Variants in SHC3 observed in about 807,000 individuals in gnomAD.
The protein encoded by SHC3 is SHC-transforming protein 3.
Under a neutral mutation model 60.4 loss-of-function variants are expected in SHC3, and 15 were observed. That is an observed-to-expected ratio of 0.25 (90% CI 0.17 to 0.38). The LOEUF is 0.38. Among genes scored for constraint, SHC3 ranks in the 10% least tolerant of loss-of-function variants. The pLI, the probability that SHC3 is intolerant of heterozygous loss-of-function variation, is 1.00. For missense variants in SHC3, 677 were observed against 786.1 expected (o/e 0.86, Z 1.66); for synonymous variants, 294 against 325.9 (o/e 0.90, Z 1.05).
chr9:89,162,618 T>G (rs929712994), intron 1 of SHC3, among the ~76,000 whole-genome samples: 9 of 151,806 alleles, frequency 5.9e-5, no homozygotes, highest in Non-Finnish European at 1.0e-4. Flanking sequence ...ACTTAAACGT[T>G]AGACCTAAAA....
intron 2 of SHC3, among the ~76,000 whole-genome samples, chr9:89,079,350 C>T (rs2118021640): frequency 6.6e-6 from 1 of 152,210 alleles, no homozygotes; most frequent in South Asian, 2.1e-4. Context: ...TTTAGAAAAC[C>T]AGTACAGTGA....
At chr9:89,109,365 G>T in intron 2 of SHC3, 1 of 959,158 alleles carries the variant, frequency 1.0e-6, no homozygotes, top group Non-Finnish European at 1.2e-6. Flanking sequence ...CAGCGAGGGT[G>T]CACACCCAGG....
intron 2 of SHC3, among the ~76,000 whole-genome samples, chr9:89,080,690 C>A (rs1416651831): frequency 6.7e-6 from 1 of 148,862 alleles, no homozygotes; most frequent in Non-Finnish European, 1.5e-5. Flanking sequence ...AAATTGAAAT[C>A]ATTTGTAATG....
At chr9:89,148,445 G>A (rs1564180211) in intron 1 of SHC3, among the ~76,000 whole-genome samples, 1 of 152,214 alleles carries the variant, frequency 6.6e-6, no homozygotes, top group Non-Finnish European at 1.5e-5. Context: ...TTTTGGGGGA[G>A]AAAAGAAGAC....
intron 2 of SHC3, chr9:89,110,238 T>C (rs1587732689): frequency 1.0e-6 from 1 of 985,356 alleles, no homozygotes; most frequent in Non-Finnish European, 1.2e-6. Flanking sequence ...ATGCTGGGAG[T>C]GAAGCCCAGC....
At chr9:89,059,043 TGTGGTGGAGGGCG>T (rs756619939) in intron 6 of SHC3, among the ~76,000 whole-genome samples, 8 of 127,808 alleles carry the variant, frequency 6.3e-5, no homozygotes, top group African/African-American at 9.2e-5. Flanking sequence ...TGGTGGAGGA[TGTGGTGGAGGGCG>T]GTGGTGGAGG....
chr9:89,155,282 T>C (rs891401522), intron 1 of SHC3, among the ~76,000 whole-genome samples: 2 of 152,186 alleles, frequency 1.3e-5, no homozygotes, highest in Non-Finnish European at 2.9e-5. Flanking sequence ...TTGGCTTGCA[T>C]TCTACCCGAT....
At chr9:89,113,088 T>TC (rs11394706) in intron 1 of SHC3, among the ~76,000 whole-genome samples, 11,688 of 152,192 alleles carry the variant, frequency 0.077, 1,452 homozygotes, top group African/African-American at 0.27. Flanking sequence ...AACATTTTCA[T>TC]CAACATTAAA....
intron 6 of SHC3, among the ~76,000 whole-genome samples, chr9:89,059,294 A>ATGG (rs1825021168): frequency 1.3e-5 from 1 of 78,740 alleles, no homozygotes; most frequent in Admixed American, 1.2e-4. Flanking sequence ...GGTGGAGGAC[A>ATGG]TGGTGGAGGA....
At chr9:89,142,156 G>T (rs1826402577) in intron 1 of SHC3, among the ~76,000 whole-genome samples, 1 of 152,128 alleles carries the variant, frequency 6.6e-6, no homozygotes, top group Non-Finnish European at 1.5e-5. Flanking sequence ...TAGCCCAGAA[G>T]GACTTTACTA....
At chr9:89,062,606 C>T (rs770538110) in intron 6 of SHC3, among the ~76,000 whole-genome samples, 1 of 152,186 alleles carries the variant, frequency 6.6e-6, no homozygotes, top group Non-Finnish European at 1.5e-5. Context: ...GACTTGAACC[C>T]GTAACTGTAA....
At chr9:89,023,925 C>T (rs1166746927) in intron 11 of SHC3, among the ~76,000 whole-genome samples, 2 of 152,242 alleles carry the variant, frequency 1.3e-5, no homozygotes, top group African/African-American at 4.8e-5. Context: ...GCCTCATCTC[C>T]ATCCCACACA....
intron 6 of SHC3, among the ~76,000 whole-genome samples, chr9:89,063,250 C>G (rs928469139): frequency 5.3e-5 from 8 of 152,180 alleles, no homozygotes; most frequent in Non-Finnish European, 1.2e-4. Flanking sequence ...CTGCCTCAGC[C>G]TCCCAAGTAG....
At chr9:89,044,281 T>G (rs1824737402) in intron 9 of SHC3, among the ~76,000 whole-genome samples, 1 of 152,214 alleles carries the variant, frequency 6.6e-6, no homozygotes, top group African/African-American at 2.4e-5. Context: ...TGACTCTGAT[T>G]TGCTATTTCC....
chr9:89,107,246 G>A (rs540914087), intron 2 of SHC3, among the ~76,000 whole-genome samples: 21 of 152,268 alleles, frequency 1.4e-4, no homozygotes, highest in African/African-American at 4.3e-4. Context: ...CTCCCAGGCC[G>A]CAAGGACCCT....
In SHC3 at chr9:89,077,184, C is replaced by CAA. The variant is rs113802144; in HGVS notation, c.609+654_609+655dup. 4.0e-3 allele frequency among the ~76,000 whole-genome samples: 525 copies of CAA among 132,212 alleles called. 3 individuals carry two copies. Among genetic ancestry groups the CAA allele is most frequent in the African/African-American group, 0.014 (504 of 37,096 alleles). 86.7% of individuals were successfully genotyped at this position (132,212 alleles called of 152,430 possible). A position where few individuals can be genotyped will look rare whatever the true frequency, so the allele number is the denominator to read the frequency against. ...AGAGCGAGACTCTGTCTCAAAAAAA[C>CAA]AAAAAAAAAAACAAAAAAAAACAGA... On this transcript the variant is annotated intron_variant, in intron 3 of 11. Transcript: ENST00000375835.
intron 1 of SHC3, among the ~76,000 whole-genome samples, chr9:89,156,378 C>T (rs1310518018): frequency 6.6e-6 from 1 of 152,144 alleles, no homozygotes; most frequent in East Asian, 1.9e-4. Context: ...AGGGAAGACC[C>T]TGAACTGAAA....
At chr9:89,061,838 A>G (rs1587704775) in intron 6 of SHC3, among the ~76,000 whole-genome samples, 2 of 152,212 alleles carry the variant, frequency 1.3e-5, no homozygotes, top group Admixed American at 1.3e-4. Context: ...TGCATATGCT[A>G]CATGCCTGGC....
intron 2 of SHC3, among the ~76,000 whole-genome samples, chr9:89,103,982 G>A (rs944931865): frequency 2.6e-5 from 4 of 152,186 alleles, no homozygotes; most frequent in Admixed American, 2.0e-4. Flanking sequence ...AGCAATCAGA[G>A]AGGTACATTT....
Sources: gnomAD v4.1 joint callset for allele counts (sites outside exome capture counted in the v4.1 genomes callset) on GRCh38, gnomAD v4.1.1 for gene constraint, MANE v1.5 for transcripts, NCBI Gene and HGNC (gene_info 2026-07-23, HGNC 2026-07-21) for gene names.